The following ZSCAN5C variants were observed in gnomAD, a reference collection of about 807,000 sequenced individuals.
ZSCAN5C encodes the protein zinc finger and SCAN domain containing 5C, also known as zinc finger and SCAN domain-containing protein 5C.
A neutral mutation model predicts 17.3 loss-of-function variants in ZSCAN5C; 11 were observed. The observed-to-expected ratio is 0.64, with a 90% CI of 0.40 to 1.06. The LOEUF is 1.06. ZSCAN5C is among the 50% of genes least tolerant of loss of function. ZSCAN5C has a pLI of 0.00. For synonymous variants in ZSCAN5C, 229 were observed against 208.4 expected, an observed-to-expected ratio of 1.10 and a Z score of -0.85; for missense variants, 698 against 538.9, an observed-to-expected ratio of 1.30 and a Z score of -2.92.
chr19:56,207,461 A>G (rs997623852), intron 3 of ZSCAN5C, among the ~76,000 whole-genome samples, 199 bp downstream of exon 3: 1 of 135,614 alleles, frequency 7.4e-6, no homozygotes, highest in Admixed American at 7.0e-5. Flanking sequence ...CCACCATGAG[A>G]GCTTTTAGCA....
chr19:56,203,640 ATTTTTTTTTTTT>A (rs564406569), intron 1 of ZSCAN5C, among the ~76,000 whole-genome samples: 3 of 86,834 alleles, frequency 3.5e-5, no homozygotes, highest in East Asian at 3.5e-4. Flanking sequence ...TCTACTGGGA[ATTTTTTTTTTTT>A]TTTTTTTTTT....
intron 1 of ZSCAN5C, among the ~76,000 whole-genome samples, chr19:56,202,634 G>A (rs949677558): frequency 6.6e-6 from 1 of 151,842 alleles, no homozygotes; most frequent in Non-Finnish European, 1.5e-5. Flanking sequence ...GCCCAGACTA[G>A]ACTGGAATTC....
At chr19:56,207,810 G>C (rs1253407710) in intron 3 of ZSCAN5C, among the ~76,000 whole-genome samples, 2 of 151,838 alleles carry the variant, frequency 1.3e-5, no homozygotes, top group Non-Finnish European at 2.9e-5. Flanking sequence ...CCCAATGCCA[G>C]TGGTGCCAGG....
chr19:56,202,468 A>G (rs1246078916), intron 1 of ZSCAN5C, 146 bp downstream of exon 1: 2 of 151,858 alleles, frequency 1.3e-5, no homozygotes, highest in Admixed American at 1.3e-4. Flanking sequence ...TTTTTCATGC[A>G]TTTGCCCGGA....
At chr19:56,209,163 G>C in exon 5 of ZSCAN5C, 4 of 1,167,770 alleles carry the variant, frequency 3.4e-6, no homozygotes, top group Non-Finnish European at 5.0e-6. Context: ...ACCTTAAGAC[G>C]CCACCAGAAA....
chr19:56,207,885 G>A (rs1276274837), intron 3 of ZSCAN5C, 149 bp from the exon 4 acceptor site: 1 of 600,896 alleles, frequency 1.7e-6, no homozygotes, highest in African/African-American at 1.9e-5. Context: ...TGCTGGCACA[G>A]CGGGGAGAAA....
At chr19:56,209,221 T>C, downstream of ZSCAN5C, 1 of 681,942 alleles carries the variant, frequency 1.5e-6, no homozygotes, top group Non-Finnish European at 2.6e-6. Context: ...GGGTCTGTCT[T>C]CTGCACCAAG....
In ZSCAN5C at chr19:56,208,683, C is replaced by T. The variant is rs144342026; in HGVS notation, c.974C>T (p.Pro325Leu). Reference sequence around the variant, plus strand: ...ACACCTGTGGGCAACAGAGAATCCCCGGGACAAGCTGAGATCAATCCAGTT... The same window carrying T: ...ACACCTGTGGGCAACAGAGAATCCCTGGGACAAGCTGAGATCAATCCAGTT... Residue 325 changes from proline to leucine, a missense_variant, in exon 5 of 5, where the codon CCG becomes CTG. Physicochemically the swap from Pro to Leu is moderately conservative, Grantham distance 98 (BLOSUM62 -3). Around this residue, in one of 3 missense-constraint regions of ZSCAN5C, gnomAD observed 554 missense variants for 390.5 expected, o/e 1.42. Coordinates refer to ENST00000534327, the Ensembl canonical transcript of ZSCAN5C. 1,052 of 1,612,622 alleles carry T rather than the reference C, an allele frequency of 6.5e-4. 35 individuals carry two copies. In the African/African-American group the frequency reaches 0.012, roughly 19 times the overall value.
chr19:56,208,931 G>A (rs1406637776), exon 5 of ZSCAN5C: 2 of 1,613,246 alleles, frequency 1.2e-6, no homozygotes, highest in African/African-American at 1.3e-5. Context: ...AACCCACACT[G>A]GCGAGAGGCC....
At chr19:56,209,164 C>T in exon 5 of ZSCAN5C, 1 of 1,156,324 alleles carries the variant, frequency 8.6e-7, no homozygotes, top group South Asian at 1.3e-5. Context: ...CCTTAAGACG[C>T]CACCAGAAAA....
rs2032947079 is a variant in ZSCAN5C, at chr19:56,208,323, A to T, written c.740-126A>T. The T allele has an allele frequency of 5.5e-6, 4 of 729,054 alleles. No individual in the cohort carries two copies. The Admixed American group carries it at 1.0e-4, about 19-fold the overall frequency. 45.2% of individuals were successfully genotyped at this position (729,054 alleles called of 1,614,324 possible). A position where few individuals can be genotyped will look rare whatever the true frequency, so the allele number is the denominator to read the frequency against. On this transcript the variant is annotated intron_variant, in intron 4 of 4. Coordinates refer to ENST00000534327, the Ensembl canonical transcript of ZSCAN5C. ...TCCATCCCTTACTCTCCAGAGACCT[A>T]CAGTCCAATGTCTTAGGTTTAAGGT...
In ZSCAN5C at chr19:56,208,771, G is replaced by A. The variant is rs531922174; in HGVS notation, c.1062G>A (p.Leu354=). 1.3e-6 allele frequency: 2 copies of A among 1,599,188 alleles called. 1 individual carries two copies. The highest frequency in any genetic ancestry group is 2.7e-5 in the African/African-American group (2 of 74,154). The change falls in exon 5 of 5, where the codon CTG becomes CTA. Residue 354 remains leucine (L), a synonymous_variant. Coordinates refer to ENST00000534327, the Ensembl canonical transcript of ZSCAN5C. ...GTGGCCAAGAAGTCAAGGAACTGCT[G>A]CCCTTTGCATGTGAGGTGTGCGGCA... is the stretch of plus-strand genomic sequence containing the variant.
intron 1 of ZSCAN5C, 72 bp from the exon 2 acceptor site, chr19:56,205,715 G>A: frequency 1.8e-6 from 1 of 557,930 alleles, no homozygotes; most frequent in South Asian, 2.5e-5. Flanking sequence ...CTGGGATTGG[G>A]ATGAGGGATT....
intron 1 of ZSCAN5C, among the ~76,000 whole-genome samples, chr19:56,202,863 T>C (rs768365937): frequency 2.0e-5 from 3 of 152,104 alleles, no homozygotes; most frequent in Non-Finnish European, 2.9e-5. Flanking sequence ...CACACACCAC[T>C]TGTTAAAAAG....
intron 1 of ZSCAN5C, among the ~76,000 whole-genome samples, chr19:56,205,517 C>A (rs901114512): frequency 2.6e-5 from 4 of 151,888 alleles, no homozygotes; most frequent in African/African-American, 9.7e-5. Context: ...TATTTACAGT[C>A]AAAAACAATG....
chr19:56,207,375 C>T, intron 3 of ZSCAN5C, 113 bp downstream of exon 3: 1 of 600,686 alleles, frequency 1.7e-6, no homozygotes, highest in East Asian at 2.8e-5. Flanking sequence ...TACAGCCATT[C>T]CCCATGGACA....
At chr19:56,208,884 G>A (rs1056213191) in exon 5 of ZSCAN5C, 32 of 1,596,668 alleles carry the variant, frequency 2.0e-5, no homozygotes, top group Non-Finnish European at 2.6e-5. Flanking sequence ...TGCGGGAAGC[G>A]CTTCATGCAG....
chr19:56,206,225 C>T (rs1379416854), exon 2 of ZSCAN5C: 2 of 1,579,504 alleles, frequency 1.3e-6, no homozygotes, highest in South Asian at 1.1e-5. Context: ...AGGTCTTAGT[C>T]ATGATGAACG....
chr19:56,206,353 T>G (rs9917095), intron 2 of ZSCAN5C, 56 bp downstream of exon 2: 55 of 1,266,856 alleles, frequency 4.3e-5, no homozygotes, highest in Middle Eastern at 3.1e-4. Context: ...GGGGGCTGCA[T>G]GGTGCAGCTG....
Sources: gnomAD v4.1 joint callset for allele counts (sites outside exome capture counted in the v4.1 genomes callset) on GRCh38, gnomAD v4.1.1 for gene constraint, gnomAD v4.1.1 regional missense constraint, MANE v1.5 for transcripts, NCBI Gene and HGNC (gene_info 2026-07-23, HGNC 2026-07-21) for gene names.